RPS5: variants seen among roughly 807,000 people sequenced by gnomAD.
RPS5 encodes small ribosomal subunit protein uS7.
A neutral mutation model predicts 20.9 loss-of-function variants in RPS5; 2 were observed. That is an observed-to-expected ratio of 0.10 (90% confidence interval 0.04 to 0.30). The LOEUF (loss-of-function observed/expected upper bound fraction) is 0.30, where lower values mean the gene tolerates loss of function less well. Among genes scored for constraint, RPS5 ranks in the 10% least tolerant of loss-of-function variants. The pLI is 1.00. For synonymous variants in RPS5, 112 were observed against 105.8 expected, an observed-to-expected ratio of 1.06 and a Z score of -0.36; for missense variants, 122 against 287.2, an observed-to-expected ratio of 0.42 and a Z score of 4.16.
chr19:58,388,854 C>T (rs1050800803), intron 2 of RPS5, among the ~76,000 whole-genome samples: 2 of 151,950 alleles, frequency 1.3e-5, no homozygotes, highest in African/African-American at 4.8e-5. Flanking sequence ...TGGTCTCGAT[C>T]TCCTGACCTC....
intron 3 of RPS5, 46 bp downstream of exon 3, chr19:58,393,231 C>A: frequency 6.2e-7 from 1 of 1,612,932 alleles, no homozygotes; most frequent in Non-Finnish European, 8.5e-7. Context: ...CCTCAGTACA[C>A]CCGAAAGCCC....
chr19:58,393,747 T>C (rs2052379023), intron 4 of RPS5: 2 of 425,362 alleles, frequency 4.7e-6, no homozygotes, highest in Middle Eastern at 6.0e-4. Context: ...CTTTTTTTTT[T>C]TTTCTTGGAC....
chr19:58,387,984 G>A (rs1406422802), intron 1 of RPS5, 153 bp from the exon 2 acceptor site: 2 of 606,844 alleles, frequency 3.3e-6, no homozygotes, highest in Admixed American at 2.8e-5. Flanking sequence ...AATTTTTCTA[G>A]TGCTTGAAAA....
At chr19:58,393,556 G>C in intron 4 of RPS5, 69 bp downstream of exon 4, 1 of 1,552,306 alleles carries the variant, frequency 6.4e-7, no homozygotes, top group Non-Finnish European at 8.7e-7. Context: ...CTTGCCTGGG[G>C]CAGGAAGGCT....
At chr19:58,390,628 G>A (rs1396870712) in intron 2 of RPS5, among the ~76,000 whole-genome samples, 1 of 151,932 alleles carries the variant, frequency 6.6e-6, no homozygotes, top group Non-Finnish European at 1.5e-5. Context: ...TAGAGACAGG[G>A]TTTCACCATG....
intron 2 of RPS5, among the ~76,000 whole-genome samples, chr19:58,391,450 A>C (rs930260721): frequency 4.6e-5 from 7 of 150,904 alleles, no homozygotes; most frequent in Non-Finnish European, 1.0e-4. Flanking sequence ...AAAAAAAAAA[A>C]AACTGGGCTG....
intron 2 of RPS5, chr19:58,388,610 C>T (rs1357111399): frequency 2.6e-6 from 1 of 377,488 alleles, no homozygotes; most frequent in South Asian, 1.0e-4. Context: ...TGGCCTTGGC[C>T]ACTTGTCATA....
Position 58,388,117 on chromosome 19 carries a change from C to G in RPS5, c.-1-20C>G, listed in dbSNP as rs1395091096. ...CTAGCTGAGCTCTGACGTTTTTTTCCTGTCATCACCCTGTCCCAGGATGAC... is the reference window on the plus strand; with the variant it reads ...CTAGCTGAGCTCTGACGTTTTTTTCGTGTCATCACCCTGTCCCAGGATGAC... On this transcript the variant is annotated intron_variant, in intron 1 of 5. Transcript: ENST00000196551. The G allele has an allele frequency of 1.3e-6, 2 of 1,582,486 alleles. No individual in the cohort carries two copies. Among genetic ancestry groups the G allele is most frequent in the East Asian group, 2.2e-5 (1 of 44,592 alleles).
chr19:58,387,559 A>G (rs1246221206), intron 1 of RPS5: 1 of 152,640 alleles, frequency 6.6e-6, no homozygotes, highest in East Asian at 1.9e-4. Context: ...GGTTTGAACT[A>G]TGCGGTTGTA....
rs1388088437 is a variant in RPS5 at position 58,393,466 on chromosome 19, C to T, written c.426C>T (p.Ser142=). The change falls in exon 4 of 6, where the codon TCC becomes TCT. Residue 142 remains serine, a synonymous_variant. Transcript: ENST00000196551. ...GTVRRQAVDV[S]PLRRVNQAIW... is the part of the protein sequence containing the mutation. ...TGAGACGACAGGCTGTGGATGTGTC[C>T]CCCCTGCGCCGTGTGAACCAGGTGA... is the stretch of plus-strand genomic sequence containing the variant. 2 of 1,612,132 alleles carry T rather than the reference C, an allele frequency of 1.2e-6. No individual in the cohort carries two copies. Among genetic ancestry groups the T allele is most frequent in the East Asian group, 4.5e-5 (2 of 44,890 alleles).
rs7245665 is a variant in RPS5 at position 58,393,298 on chromosome 19, A to G, written c.319-61A>G. On this transcript the variant is annotated intron_variant, in intron 3 of 5. Coordinates refer to ENST00000196551, the MANE Select transcript of RPS5 (RefSeq NM_001009.4). The stretch of plus-strand genomic sequence containing the variant: ...TGGTGTGGTCACTCTTGTTTTAGGT[A>G]TGAGGAAAGGGGAGGAATGCATGGG... The G allele has an allele frequency of 0.02, 31,633 of 1,608,364 alleles. 5,101 individuals are homozygous for G. In the African/African-American group the frequency reaches 0.36, roughly 18 times the overall value.
chr19:58,392,458 A>T (rs957203411), intron 2 of RPS5, among the ~76,000 whole-genome samples: 37 of 152,116 alleles, frequency 2.4e-4, no homozygotes, highest in African/African-American at 8.9e-4. Flanking sequence ...ACCTGTCTCT[A>T]CTAAAAATAC....
At position 58,393,470 on chromosome 19, in the gene RPS5, C is replaced by T. The variant is rs779077480; in HGVS notation, c.430C>T (p.Leu144=). ...VRRQAVDVSP[L]RRVNQAIWLL... is the part of the protein sequence containing the mutation. Reference sequence around the variant, plus strand: ...ACGACAGGCTGTGGATGTGTCCCCCCTGCGCCGTGTGAACCAGGTGAGCCT... The same window carrying T: ...ACGACAGGCTGTGGATGTGTCCCCCTTGCGCCGTGTGAACCAGGTGAGCCT... The change falls in exon 4 of 6, where the codon CTG becomes TTG. Residue 144 remains leucine (L), a synonymous_variant. Coordinates refer to ENST00000196551, the MANE Select transcript of RPS5 (RefSeq NM_001009.4). The T allele has an allele frequency of 3.1e-6, 5 of 1,612,004 alleles. No individual in the cohort carries two copies. The African/African-American group carries it at 6.7e-5, about 22-fold the overall frequency.
chr19:58,393,369 A>C lies in RPS5; in HGVS notation c.329A>C (p.Gln110Pro). ...IHLLTGENPL[Q>P]VLVNAIINSG... The stretch of plus-strand genomic sequence containing the variant: ...CCCCCTTCTCTCTAGAACCCTCTGC[A>C]GGTCCTGGTGAACGCCATCATCAAC... Residue 110 changes from glutamine to proline, a missense_variant, in exon 4 of 6, where the codon CAG becomes CCG. Coordinates refer to ENST00000196551, the MANE Select transcript of RPS5 (RefSeq NM_001009.4). The C allele has an allele frequency of 6.2e-7, 1 of 1,613,896 alleles. No homozygotes were observed. The highest frequency in any genetic ancestry group is 8.5e-7 in the Non-Finnish European group (1 of 1,179,992).
chr19:58,394,785 CTTTG>C lies in RPS5; in HGVS notation c.*36_*39del. 6.2e-7 allele frequency: 1 copy of C among 1,608,960 alleles called. No homozygotes were observed. The highest frequency in any genetic ancestry group is 8.5e-7 in the Non-Finnish European group (1 of 1,175,540). On this transcript the variant is annotated 3_prime_UTR_variant, in exon 6 of 6. Coordinates refer to ENST00000196551, the MANE Select transcript of RPS5 (RefSeq NM_001009.4). Reference sequence around the variant, plus strand: ...CTGCTGCCCAATAAACCTGTCTGCCCTTTGGGGCAGTCCCAGCCACCTGTGCTGT... The same window carrying C: ...CTGCTGCCCAATAAACCTGTCTGCCCGGGCAGTCCCAGCCACCTGTGCTGT...
chr19:58,389,937 C>T (rs2052352404), intron 2 of RPS5, among the ~76,000 whole-genome samples: 1 of 152,148 alleles, frequency 6.6e-6, no homozygotes, highest in African/African-American at 2.4e-5. Flanking sequence ...TCTTGTCGCC[C>T]AGTCTGGAGT....
At chr19:58,390,103 C>T (rs1176203501) in intron 2 of RPS5, among the ~76,000 whole-genome samples, 2 of 152,044 alleles carry the variant, frequency 1.3e-5, no homozygotes, top group African/African-American at 4.8e-5. Context: ...TCATATTGGT[C>T]AGGCTGGTCT....
rs2052357214 is a variant in RPS5, at chr19:58,390,625, AG to A, written c.109-2348del. Among the ~76,000 whole-genome samples, 3 of 152,070 alleles carry A rather than the reference AG, an allele frequency of 2.0e-5. No homozygotes were observed. In the South Asian group the frequency reaches 6.2e-4, roughly 32 times the overall value. ...TAATTTTTGTCTTTTTAGTAGAGAC[AG>A]GGTTTCACCATGTTGGCCAGGCTGG... On this transcript the variant is annotated intron_variant, in intron 2 of 5. Coordinates refer to ENST00000196551, the MANE Select transcript of RPS5 (RefSeq NM_001009.4).
chr19:58,394,386 C>A, intron 4 of RPS5, 111 bp from the exon 5 acceptor site: 1 of 818,938 alleles, frequency 1.2e-6, no homozygotes, highest in Non-Finnish European at 2.0e-6. Context: ...CACCTCTTGT[C>A]TCAGTGGGCC....
Sources: allele counts gnomAD v4.1 joint callset (sites outside exome capture counted in the v4.1 genomes callset), GRCh38; gene constraint gnomAD v4.1.1; transcripts MANE v1.5; gene names NCBI Gene and HGNC (gene_info 2026-07-23, HGNC 2026-07-21).